The following TIRAP variants were observed in gnomAD, a reference collection of about 807,000 sequenced individuals.
The protein encoded by TIRAP is TIR domain containing adaptor protein.
A neutral mutation model predicts 19.8 loss-of-function variants in TIRAP; 20 were observed. The ratio of observed to expected loss-of-function variants is 1.01; its 90% confidence interval spans 0.71 to 1.47. The LOEUF is 1.47. TIRAP is among the 40% of genes most tolerant of loss of function. The probability of loss-of-function intolerance (pLI) is 0.00; values close to 1 mark genes in which losing one functional copy is unlikely to be tolerated. For missense variants in TIRAP, 276 were observed against 285.1 expected (o/e 0.97, Z 0.23); for synonymous variants, 125 against 121.7 (o/e 1.03, Z -0.18).
In TIRAP at chr11:126,291,542, G is replaced by T. The variant is rs920305085; in HGVS notation, c.67+581G>T. ...ACTAAGACAGGTCCACAAGTCCACA[G>T]TCAAAGCCGTGTCCCTGACTCCAGA... On this transcript the variant is annotated intron_variant, in intron 3 of 4. Transcript: ENST00000392679. This position sits in a 1 kb window ranked among gnomAD's most constrained non-coding sequence, Gnocchi z 5.6. The T allele has an allele frequency of 6.6e-5, 42 of 638,468 alleles. No individual in the cohort carries two copies. Among genetic ancestry groups the T allele is most frequent in the Non-Finnish European group, 1.1e-4 (42 of 393,368 alleles). The allele number at this position is 638,468 out of a possible 1,614,324, so 39.6% of individuals were successfully genotyped here.
chr11:126,290,938 A>G lies in TIRAP; in HGVS notation c.44A>G (p.Lys15Arg). 1.9e-6 allele frequency: 3 copies of G among 1,606,468 alleles called. No homozygotes were observed. Among genetic ancestry groups the G allele is most frequent in the Non-Finnish European group, 2.6e-6 (3 of 1,176,028 alleles). The change falls in exon 3 of 5, where the codon AAG becomes AGG. Residue 15 changes from lysine (K) to arginine (R), a missense_variant. By Grantham distance (26) the Lys-to-Arg change is conservative (BLOSUM62 2). Transcript: ENST00000392679. This position sits in a 1 kb window ranked among gnomAD's most constrained non-coding sequence, Gnocchi z 4.9. ...TSLPAPGSRP[K>R]KPLGKMADWF... ...CTCCCAGCTCCTGGCTCTCGGCCTA[A>G]GAAGCCTCTAGGCAAGATGGCTGGT... is the stretch of plus-strand genomic sequence containing the variant.
rs1327929683 is a variant in TIRAP, at chr11:126,291,721, A to G, written c.68-756A>G. Among the ~76,000 whole-genome samples the G allele has an allele frequency of 6.6e-6, 1 of 151,782 alleles. No homozygotes were observed. The highest frequency in any genetic ancestry group is 1.5e-5 in the Non-Finnish European group (1 of 67,994). On this transcript the variant is annotated intron_variant, in intron 3 of 4. Transcript: ENST00000392679. This position sits in a 1 kb window ranked among gnomAD's most constrained non-coding sequence, Gnocchi z 5.6. ...TGTATACGTAGCCCTTCCTAATCTAAGTCCACCTCCCCTCAGTGCTGAAAG... is the reference window on the plus strand; with the variant it reads ...TGTATACGTAGCCCTTCCTAATCTAGGTCCACCTCCCCTCAGTGCTGAAAG...
rs1191353720 is a variant in TIRAP, at chr11:126,291,352, G to C, written c.67+391G>C. ...AACTATCTGTCCTTATCAAAGGCTG[G>C]GGAAGCTGTTTTCATCTCCTTATGG... On this transcript the variant is annotated intron_variant, in intron 3 of 4. Coordinates refer to ENST00000392679, the MANE Select transcript of TIRAP (RefSeq NM_001318777.2). The surrounding 1 kb of genome is among the most constrained non-coding windows in gnomAD (Gnocchi z 5.6). 2 of 920,468 alleles carry C rather than the reference G, an allele frequency of 2.2e-6. No homozygotes were observed. Among genetic ancestry groups the C allele is most frequent in the Non-Finnish European group, 3.1e-6 (2 of 647,146 alleles). The allele number at this position is 920,468 out of a possible 1,614,324, so 57.0% of individuals were successfully genotyped here.
In TIRAP at chr11:126,291,011, C is replaced by T; in HGVS notation, c.67+50C>T. 6.4e-7 allele frequency: 1 copy of T among 1,567,092 alleles called. No individual in the cohort carries two copies. The highest frequency in any genetic ancestry group is 1.4e-5 in the African/African-American group (1 of 73,780). ...CTGCTGTGTTCCTGAGTGTAGTGCT[C>T]AGCCTCCATAGGGCGCGGTGGGAGG... On this transcript the variant is annotated intron_variant, in intron 3 of 4. Transcript: ENST00000392679. The surrounding 1 kb of genome is among the most constrained non-coding windows in gnomAD (Gnocchi z 5.6).
intron 1 of TIRAP, among the ~76,000 whole-genome samples, chr11:126,285,894 GA>G (rs201459667): frequency 0.013 from 1,946 of 150,816 alleles, 58 homozygotes; most frequent in African/African-American, 0.043. Context: ...ATTAAAAAAT[GA>G]AAAAAATAAA....
At position 126,293,717 on chromosome 11, in the gene TIRAP, T is replaced by G. The variant is rs8177376; in HGVS notation, c.*30T>G. On this transcript the variant is annotated 3_prime_UTR_variant, in exon 5 of 5. Coordinates refer to ENST00000392679, the MANE Select transcript of TIRAP (RefSeq NM_001318777.2). Reference sequence around the variant, plus strand: ...TGTTATATCATGGGACCCCGGAAATTGGAGTGAAGCTAGAAACAGAAAACC... The same window carrying G: ...TGTTATATCATGGGACCCCGGAAATGGGAGTGAAGCTAGAAACAGAAAACC... 350,023 of 1,612,412 alleles carry G rather than the reference T, an allele frequency of 0.22. 41,239 individuals carry two copies. The highest frequency in any genetic ancestry group is 0.25 in the Non-Finnish European group (290,284 of 1,178,574).
Position 126,292,766 on chromosome 11 carries a change from A to G in TIRAP, c.357A>G (p.Gln119=). The G allele has an allele frequency of 6.2e-7, 1 of 1,612,972 alleles. No homozygotes were observed. The highest frequency in any genetic ancestry group is 1.1e-5 in the South Asian group (1 of 90,892). ...CTGCCAGCCTGCGCTGCTTCCTGCA[A>G]CTCCGGGATGCAACCCCAGGCGGCG... ...GSTASLRCFL[Q]LRDATPGGAI... Residue 119 remains glutamine, a synonymous_variant, in exon 4 of 5, where the codon CAA becomes CAG. Transcript: ENST00000392679.
intron 1 of TIRAP, among the ~76,000 whole-genome samples, chr11:126,286,626 G>A (rs780849523): frequency 1.3e-5 from 2 of 152,194 alleles, no homozygotes; most frequent in Non-Finnish European, 2.9e-5. Context: ...GTCAGGTGAA[G>A]TATAGATGGT....
In TIRAP at chr11:126,292,675, G is replaced by T. The variant is rs1317805054; in HGVS notation, c.266G>T (p.Cys89Phe). 6.2e-7 allele frequency: 1 copy of T among 1,614,038 alleles called. No homozygotes were observed. Among genetic ancestry groups the T allele is most frequent in the East Asian group, 2.2e-5 (1 of 44,884 alleles). The change falls in exon 4 of 5, where the codon TGC becomes TTC. Residue 89 changes from cysteine to phenylalanine, a missense_variant. Transcript: ENST00000392679. ...CGCTGGAGCAAAGACTATGACGTCTGCGTGTGCCACAGTGAGGAAGACCTG... is the reference window on the plus strand; with the variant it reads ...CGCTGGAGCAAAGACTATGACGTCTTCGTGTGCCACAGTGAGGAAGACCTG... ...SSRWSKDYDV[C>F]VCHSEEDLVA...
chr11:126,292,972 C>T lies in TIRAP; in HGVS notation c.563C>T (p.Pro188Leu). 2.5e-6 allele frequency: 4 copies of T among 1,614,196 alleles called. No individual in the cohort carries two copies. The highest frequency in any genetic ancestry group is 3.4e-6 in the Non-Finnish European group (4 of 1,180,000). ...LLSGLSRAAY[P>L]PELRFMYYVD... is the part of the protein sequence containing the mutation. Reference sequence around the variant, plus strand: ...TCGGGCCTCAGCAGAGCTGCCTACCCACCTGAGCTCCGATTCATGTACTAC... The same window carrying T: ...TCGGGCCTCAGCAGAGCTGCCTACCTACCTGAGCTCCGATTCATGTACTAC... Residue 188 changes from proline to leucine, a missense_variant, in exon 4 of 5, where the codon CCA becomes CTA. Physicochemically the swap from Pro to Leu is moderately conservative, Grantham distance 98. Coordinates refer to ENST00000392679, the MANE Select transcript of TIRAP (RefSeq NM_001318777.2).
In TIRAP at chr11:126,294,719, ATCATGACCCC is replaced by A. The variant is rs956239135; in HGVS notation, c.*1035_*1044del. On this transcript the variant is annotated 3_prime_UTR_variant, in exon 5 of 5. Transcript: ENST00000392679. ...TTGTGCCCCCCTCTCACTTCTCCCT[ATCATGACCCC>A]TCTTTTGCTGAAAAAAATTTTTATT... 2.6e-5 allele frequency: 8 copies of A among 308,112 alleles called. No individual in the cohort carries two copies. The East Asian group carries it at 6.3e-4, about 24-fold the overall frequency. The allele number at this position is 308,112 out of a possible 1,614,324, so 19.1% of individuals were successfully genotyped here. A position where few individuals can be genotyped will look rare whatever the true frequency, so the allele number is the denominator to read the frequency against.
In TIRAP at chr11:126,294,424, A is replaced by G; in HGVS notation, c.*737A>G. On this transcript the variant is annotated 3_prime_UTR_variant, in exon 5 of 5. Coordinates refer to ENST00000392679, the MANE Select transcript of TIRAP (RefSeq NM_001318777.2). Reference sequence around the variant, plus strand: ...GTGGGGTGGTGGAGGGAGCAAGTGAAGAGATGGGAATCCAGGGCTCAGGGT... The same window carrying G: ...GTGGGGTGGTGGAGGGAGCAAGTGAGGAGATGGGAATCCAGGGCTCAGGGT... 2.3e-6 allele frequency: 1 copy of G among 435,390 alleles called. No homozygotes were observed. The highest frequency in any genetic ancestry group is 4.6e-6 in the Non-Finnish European group (1 of 215,994). The allele number at this position is 435,390 out of a possible 1,614,324, so 27.0% of individuals were successfully genotyped here.
chr11:126,285,245 A>ATATATATATAT (rs1565362674), intron 1 of TIRAP, among the ~76,000 whole-genome samples: 3 of 46,668 alleles, frequency 6.4e-5, no homozygotes, highest in Non-Finnish European at 1.6e-4. Flanking sequence ...GTGTGTGTGT[A>ATATATATATAT]TATATATATA....
chr11:126,292,725 T>C lies in TIRAP; in HGVS notation c.316T>C (p.Tyr106His). 1.2e-6 allele frequency: 2 copies of C among 1,613,554 alleles called. No individual in the cohort carries two copies. Among genetic ancestry groups the C allele is most frequent in the Non-Finnish European group, 1.7e-6 (2 of 1,179,794 alleles). ...GGTGGCCGCCCAGGACCTGGTCTCC[T>C]ACTTGGAAGGCAGCACTGCCAGCCT... Reference protein sequence around the residue: ...DLVAAQDLVSYLEGSTASLRC... With the variant: ...DLVAAQDLVSHLEGSTASLRC... Residue 106 changes from tyrosine (Y) to histidine (H), a missense_variant, in exon 4 of 5, where the codon TAC (tyrosine) becomes CAC (histidine). Physicochemically the swap from Tyr to His is moderately conservative, Grantham distance 83. Coordinates refer to ENST00000392679, the MANE Select transcript of TIRAP (RefSeq NM_001318777.2).
At chr11:126,283,597 C>T (rs570852178) in intron 1 of TIRAP, among the ~76,000 whole-genome samples, 53 of 152,348 alleles carry the variant, frequency 3.5e-4, no homozygotes, top group African/African-American at 1.2e-3. Context: ...CCTATCGAGG[C>T]ATTACACCAC....
Position 126,292,488 on chromosome 11 carries a change from C to T in TIRAP, c.79C>T (p.Gln27Ter), listed in dbSNP as rs202146623. ...PLGKMADWFRQTLLKKPKKRP... is the reference protein window; with the variant it reads ...PLGKMADWFR Reference sequence around the variant, plus strand: ...TTTCTCCCCCACAGACTGGTTCAGGCAGACCCTGCTGAAGAAGCCCAAGAA... The same window carrying T: ...TTTCTCCCCCACAGACTGGTTCAGGTAGACCCTGCTGAAGAAGCCCAAGAA... The change falls in exon 4 of 5, where the codon CAG (glutamine) becomes TAG (stop). Residue 27 changes from glutamine (Q) to a stop codon, truncating the protein, a stop_gained. Coordinates refer to ENST00000392679, the MANE Select transcript of TIRAP (RefSeq NM_001318777.2). LOFTEE classifies it high-confidence loss of function. The T allele has an allele frequency of 1.3e-4, 211 of 1,613,680 alleles. No individual in the cohort carries two copies. Among genetic ancestry groups the T allele is most frequent in the Admixed American group, 5.7e-4 (34 of 59,954 alleles).
chr11:126,293,607 G>A, intron 4 of TIRAP, 61 bp from the exon 5 acceptor site: 1 of 1,602,470 alleles, frequency 6.2e-7, no homozygotes, highest in South Asian at 1.1e-5. Flanking sequence ...GGCAGGACCT[G>A]TTGGGGAAAA....
In TIRAP at chr11:126,292,739, C is replaced by T. The variant is rs763520934; in HGVS notation, c.330C>T (p.Ser110=). The T allele has an allele frequency of 8.1e-6, 13 of 1,613,136 alleles. No individual in the cohort carries two copies. The East Asian group carries it at 1.3e-4, about 17-fold the overall frequency. ...AQDLVSYLEG[S]TASLRCFLQL... Reference sequence around the variant, plus strand: ...ACCTGGTCTCCTACTTGGAAGGCAGCACTGCCAGCCTGCGCTGCTTCCTGC... The same window carrying T: ...ACCTGGTCTCCTACTTGGAAGGCAGTACTGCCAGCCTGCGCTGCTTCCTGC... The change falls in exon 4 of 5, where the codon AGC becomes AGT. Residue 110 remains serine (S), a synonymous_variant. Coordinates refer to ENST00000392679, the MANE Select transcript of TIRAP (RefSeq NM_001318777.2).
At chr11:126,289,763 C>G (rs1192554731) in intron 1 of TIRAP, 51 of 985,328 alleles carry the variant, frequency 5.2e-5, no homozygotes, top group Non-Finnish European at 6.0e-5. Context: ...CTCTGCTCCA[C>G]AGAAACTTAA....
Sources: gnomAD v4.1 joint callset for allele counts (sites outside exome capture counted in the v4.1 genomes callset) on GRCh38, gnomAD v4.1.1 for gene constraint, Gnocchi (gnomAD v3.1) non-coding constraint, MANE v1.5 for transcripts, NCBI Gene and HGNC (gene_info 2026-07-23, HGNC 2026-07-21) for gene names.